GRIA4: variants seen among roughly 807,000 people sequenced by gnomAD.
GRIA4 encodes the protein glutamate receptor 4.
GRIA4 carries 34 observed loss-of-function variants against 104.0 expected under a neutral mutation model. That is an observed-to-expected ratio of 0.33 (90% CI 0.25 to 0.44). GRIA4 has a LOEUF of 0.44. Among genes scored for constraint, GRIA4 ranks in the 20% least tolerant of loss-of-function variants. The probability of loss-of-function intolerance (pLI) is 1.00; values close to 1 mark genes in which losing one functional copy is unlikely to be tolerated. For missense variants in GRIA4, 750 were observed against 1,096.5 expected, an observed-to-expected ratio of 0.68 and a Z score of 4.46; for synonymous variants, 386 against 381.9, an observed-to-expected ratio of 1.01 and a Z score of -0.13.
At chr11:105,861,746 A>G (rs1402590656) in intron 4 of GRIA4, among the ~76,000 whole-genome samples, 1 of 152,164 alleles carries the variant, frequency 6.6e-6, no homozygotes, top group Admixed American at 6.6e-5. Context: ...TTGTCTCATC[A>G]AAAAAATGTC....
chr11:105,682,162 A>G (rs1253051302), intron 3 of GRIA4, among the ~76,000 whole-genome samples: 2 of 152,216 alleles, frequency 1.3e-5, no homozygotes, highest in Non-Finnish European at 2.9e-5. Context: ...CTAGCCTAGT[A>G]TATAGTTTAC....
chr11:105,867,472 T>C (rs1945462614), intron 5 of GRIA4, among the ~76,000 whole-genome samples: 1 of 152,148 alleles, frequency 6.6e-6, no homozygotes. Context: ...TTTTCACAAC[T>C]CTCAAACATC....
chr11:105,790,724 G>A (rs1942179444), intron 4 of GRIA4, among the ~76,000 whole-genome samples: 1 of 152,064 alleles, frequency 6.6e-6, no homozygotes, highest in African/African-American at 2.4e-5. Context: ...AATTATCATG[G>A]TACTACTGAC....
chr11:105,793,787 A>G (rs1942329322), intron 4 of GRIA4, among the ~76,000 whole-genome samples: 1 of 152,072 alleles, frequency 6.6e-6, no homozygotes, highest in African/African-American at 2.4e-5. Flanking sequence ...CAACTGTCCA[A>G]AAATAGAGAT....
chr11:105,644,113 T>A (rs189855021), intron 3 of GRIA4, among the ~76,000 whole-genome samples: 165 of 152,222 alleles, frequency 1.1e-3, no homozygotes, highest in African/African-American at 3.8e-3. Context: ...TCAAAGGAAA[T>A]TATTTACTAC....
At chr11:105,623,274 C>T (rs1950801682) in intron 3 of GRIA4, among the ~76,000 whole-genome samples, 1 of 151,616 alleles carries the variant, frequency 6.6e-6, no homozygotes, top group Non-Finnish European at 1.5e-5. Flanking sequence ...TTTTAGTTCT[C>T]AGACTGAAAG....
intron 5 of GRIA4, among the ~76,000 whole-genome samples, chr11:105,871,586 T>C (rs1161363585): frequency 2.0e-5 from 3 of 151,768 alleles, no homozygotes; most frequent in Non-Finnish European, 4.4e-5. Context: ...GGGTATCTAC[T>C]TACATCTGTG....
At chr11:105,623,080 T>C (rs1022661837) in intron 3 of GRIA4, among the ~76,000 whole-genome samples, 2 of 131,356 alleles carry the variant, frequency 1.5e-5, no homozygotes, top group African/African-American at 6.3e-5. Flanking sequence ...TATATATATA[T>C]ATATATATAT....
At chr11:105,968,217 C>T (rs1203646572) in intron 14 of GRIA4, among the ~76,000 whole-genome samples, 2 of 152,186 alleles carry the variant, frequency 1.3e-5, no homozygotes, top group African/African-American at 4.8e-5. Flanking sequence ...GAAACCTGTA[C>T]CACACATGGA....
chr11:105,918,156 T>C (rs1460897627), intron 10 of GRIA4, among the ~76,000 whole-genome samples: 1 of 152,130 alleles, frequency 6.6e-6, no homozygotes, highest in African/African-American at 2.4e-5. Flanking sequence ...TATTGATTCA[T>C]TTTTTCTTTG....
chr11:105,692,627 T>C (rs1235492247), intron 3 of GRIA4, among the ~76,000 whole-genome samples: 1 of 152,222 alleles, frequency 6.6e-6, no homozygotes, highest in African/African-American at 2.4e-5. Context: ...TTTATATAAC[T>C]TTTTGGTAAC....
chr11:105,702,787 T>C (rs1230145214), intron 3 of GRIA4, among the ~76,000 whole-genome samples: 2 of 142,892 alleles, frequency 1.4e-5, no homozygotes, highest in South Asian at 4.7e-4. Flanking sequence ...CTCCACCTCC[T>C]GAGTTCAAGC....
At position 105,825,533 on chromosome 11, in the gene GRIA4, T is replaced by G. The variant is rs993029366; in HGVS notation, c.488-36491T>G. 7.2e-5 allele frequency among the ~76,000 whole-genome samples: 11 copies of G among 152,160 alleles called. No homozygotes were observed. The East Asian group carries it at 2.1e-3, about 30-fold the overall frequency. ...GAGTCCAAGTTGACTTACCCCAAAA[T>G]AGAGACATTAGGCCAGCCACAAGGC... On this transcript the variant is annotated intron_variant, in intron 4 of 16. Coordinates refer to ENST00000282499, the MANE Select transcript of GRIA4 (RefSeq NM_000829.4).
At chr11:105,810,668 C>A (rs1385133749) in intron 4 of GRIA4, among the ~76,000 whole-genome samples, 4 of 152,092 alleles carry the variant, frequency 2.6e-5, no homozygotes, top group Non-Finnish European at 2.9e-5. Context: ...ATATACCTGA[C>A]CCCGACCTTC....
intron 14 of GRIA4, among the ~76,000 whole-genome samples, chr11:105,954,781 G>A (rs1354288346): frequency 9.2e-5 from 14 of 151,834 alleles, no homozygotes; most frequent in Admixed American, 9.2e-4. Flanking sequence ...ACCTGATACA[G>A]TGGGGGTTAG....
chr11:105,684,892 A>C, intron 3 of GRIA4, among the ~76,000 whole-genome samples: 1 of 151,904 alleles, frequency 6.6e-6, no homozygotes, highest in Admixed American at 6.6e-5. Context: ...TACATTGTAA[A>C]GATTACTTAA....
At chr11:105,864,127 T>C (rs1427116144) in intron 5 of GRIA4, among the ~76,000 whole-genome samples, 1 of 152,212 alleles carries the variant, frequency 6.6e-6, no homozygotes, top group African/African-American at 2.4e-5. Flanking sequence ...ATCTCATAAA[T>C]TGCAATAAAG....
intron 4 of GRIA4, among the ~76,000 whole-genome samples, chr11:105,827,465 T>G (rs1943813165): frequency 6.6e-6 from 1 of 152,050 alleles, no homozygotes; most frequent in Non-Finnish European, 1.5e-5. Context: ...TTTCTCATGT[T>G]AAATAAACTT....
At chr11:105,783,963 C>A (rs1941845632) in intron 4 of GRIA4, among the ~76,000 whole-genome samples, 1 of 152,168 alleles carries the variant, frequency 6.6e-6, no homozygotes, top group African/African-American at 2.4e-5. Context: ...AATTATTAGA[C>A]CAGAATAGAC....
Sources: allele counts gnomAD v4.1 joint callset (sites outside exome capture counted in the v4.1 genomes callset), GRCh38; gene constraint gnomAD v4.1.1; transcripts MANE v1.5; gene names NCBI Gene and HGNC (gene_info 2026-07-23, HGNC 2026-07-21).